CAPZA2: variants seen among roughly 807,000 people sequenced by gnomAD.
CAPZA2 encodes the protein capping actin protein of muscle Z-line subunit alpha 2.
Under a neutral mutation model 44.0 loss-of-function variants are expected in CAPZA2, and 13 were observed. The observed-to-expected ratio is 0.30, with a 90% CI of 0.19 to 0.47. The LOEUF (loss-of-function observed/expected upper bound fraction) is 0.47. Ranked by LOEUF, CAPZA2 falls within the 20% of genes least tolerant of loss-of-function variation. The pLI, the probability that CAPZA2 is intolerant of heterozygous loss-of-function variation, is 1.00. For synonymous variants in CAPZA2, 94 were observed against 108.2 expected (o/e 0.87, Z 0.81); for missense variants, 244 against 338.6 (o/e 0.72, Z 2.19).
intron 1 of CAPZA2, among the ~76,000 whole-genome samples, chr7:116,887,884 C>A (rs1007809891): frequency 3.3e-5 from 5 of 152,212 alleles, no homozygotes; most frequent in Admixed American, 3.3e-4. Flanking sequence ...TATCTGTAAG[C>A]AGCTTTGAAT....
At chr7:116,862,753 G>C (rs1796433289) in intron 1 of CAPZA2, 103 bp downstream of exon 1, 2 of 1,306,106 alleles carry the variant, frequency 1.5e-6, no homozygotes, top group South Asian at 2.7e-5. Flanking sequence ...GCCCGCAGCT[G>C]GCCTTGCCCT....
intron 1 of CAPZA2, among the ~76,000 whole-genome samples, chr7:116,868,660 G>C (rs1796512212): frequency 6.6e-6 from 1 of 152,132 alleles, no homozygotes; most frequent in Non-Finnish European, 1.5e-5. Flanking sequence ...CTTGGACCCG[G>C]GAGGTGGATG....
intron 9 of CAPZA2, among the ~76,000 whole-genome samples, chr7:116,916,563 T>C (rs959025974): frequency 2.2e-4 from 33 of 152,200 alleles, no homozygotes; most frequent in African/African-American, 7.2e-4. Context: ...GAGGCAGAGG[T>C]TGCAGTGAGC....
intron 4 of CAPZA2, among the ~76,000 whole-genome samples, chr7:116,901,962 C>G (rs1797001891): frequency 6.6e-6 from 1 of 150,414 alleles, no homozygotes; most frequent in Admixed American, 6.7e-5. Flanking sequence ...CCATTAAGCA[C>G]AATGAGGGAG....
At chr7:116,897,122 G>A (rs1047619530) in intron 3 of CAPZA2, among the ~76,000 whole-genome samples, 7 of 151,786 alleles carry the variant, frequency 4.6e-5, no homozygotes, top group Admixed American at 1.3e-4. Flanking sequence ...TTTATATTAC[G>A]GGCAATAAAA....
chr7:116,902,700 T>A (rs545933181), intron 4 of CAPZA2, among the ~76,000 whole-genome samples: 24 of 152,240 alleles, frequency 1.6e-4, no homozygotes, highest in African/African-American at 5.8e-4. Flanking sequence ...AAAACATCAG[T>A]ATGTTAAAAT....
chr7:116,895,125 A>G (rs1316331506), intron 3 of CAPZA2, among the ~76,000 whole-genome samples: 1 of 151,976 alleles, frequency 6.6e-6, no homozygotes, highest in Non-Finnish European at 1.5e-5. Flanking sequence ...CAAAGGAAAC[A>G]TACAGCGTTT....
chr7:116,901,704 T>C (rs1343752723), intron 4 of CAPZA2, among the ~76,000 whole-genome samples: 1 of 152,028 alleles, frequency 6.6e-6, no homozygotes, highest in Admixed American at 6.6e-5. Context: ...TAAAACAGGA[T>C]CTGACCAATG....
At chr7:116,903,321 G>A (rs575868903) in intron 4 of CAPZA2, among the ~76,000 whole-genome samples, 8 of 149,544 alleles carry the variant, frequency 5.3e-5, no homozygotes, top group African/African-American at 1.7e-4. Context: ...ATGACCAGTC[G>A]CTTCTCGGCC....
intron 1 of CAPZA2, chr7:116,873,447 C>T (rs1161529622): frequency 6.6e-6 from 1 of 152,076 alleles, no homozygotes; most frequent in Non-Finnish European, 1.5e-5. Context: ...TGTTAGTTTA[C>T]CATTTTTATA....
Position 116,910,233 on chromosome 7 carries a change from G to C in CAPZA2, c.507G>C (p.Trp169Cys). The change falls in exon 7 of 10, where the codon TGG becomes TGC. Residue 169 changes from tryptophan (W) to cysteine (C), a missense_variant and splice_region_variant. Coordinates refer to ENST00000361183, the MANE Select transcript of CAPZA2 (RefSeq NM_006136.3). ...TACAGCTGCTGTTTTTATTTTTAAG[G>C]AATGGTCGTTGGAGGTCAGAATGGA... The part of the protein sequence containing the change: ...ESHQFQAKNF[W>C]NGRWRSEWKF... 6.5e-7 allele frequency: 1 copy of C among 1,549,772 alleles called. No individual in the cohort carries two copies. The highest frequency in any genetic ancestry group is 8.9e-7 in the Non-Finnish European group (1 of 1,121,664).
At chr7:116,904,943 C>T (rs1791470506) in intron 5 of CAPZA2, among the ~76,000 whole-genome samples, 2 of 140,868 alleles carry the variant, frequency 1.4e-5, no homozygotes, top group African/African-American at 5.2e-5. Context: ...CCTGCCTGGC[C>T]AGCATGGTGA....
At position 116,862,764 on chromosome 7, in the gene CAPZA2, C is replaced by T. The variant is rs1796433339; in HGVS notation, c.39+114C>T. 11 of 1,195,750 alleles carry T rather than the reference C, an allele frequency of 9.2e-6. No individual in the cohort carries two copies. In the East Asian group the frequency reaches 2.4e-4, roughly 26 times the overall value. 74.1% of individuals were successfully genotyped at this position (1,195,750 alleles called of 1,614,324 possible). On this transcript the variant is annotated intron_variant, in intron 1 of 9. Transcript: ENST00000361183. ...ATTGGCCCGCAGCTGGCCTTGCCCT[C>T]GGCTGCCCTTCCTCCCCCATCCTTA...
At chr7:116,868,078 G>A (rs1386116678) in intron 1 of CAPZA2, among the ~76,000 whole-genome samples, 1 of 152,084 alleles carries the variant, frequency 6.6e-6, no homozygotes, top group African/African-American at 2.4e-5. Flanking sequence ...TTTGAGTGTT[G>A]GTACTGCTCC....
intron 8 of CAPZA2, among the ~76,000 whole-genome samples, chr7:116,912,350 C>T (rs1204731238): frequency 3.3e-5 from 5 of 151,942 alleles, no homozygotes; most frequent in Non-Finnish European, 7.4e-5. Context: ...AAAATATAAG[C>T]TTCAAATTTT....
chr7:116,882,148 A>G (rs1220584476), intron 1 of CAPZA2, among the ~76,000 whole-genome samples: 9 of 152,304 alleles, frequency 5.9e-5, no homozygotes, highest in East Asian at 3.9e-4. Context: ...TAAAATTACT[A>G]TTCTTTAGTA....
At chr7:116,916,678 T>G (rs764125602) in intron 9 of CAPZA2, among the ~76,000 whole-genome samples, 24 of 152,152 alleles carry the variant, frequency 1.6e-4, no homozygotes, top group Admixed American at 2.6e-4. Flanking sequence ...GCAGATTGAG[T>G]ATCTCTGATC....
chr7:116,888,917 A>G (rs1309360477), intron 2 of CAPZA2, among the ~76,000 whole-genome samples: 1 of 152,204 alleles, frequency 6.6e-6, no homozygotes, highest in African/African-American at 2.4e-5. Context: ...TATTTCTTTT[A>G]AAGAAAATCC....
chr7:116,906,476 T>A (rs1791511631), intron 6 of CAPZA2, 134 bp downstream of exon 6: 1 of 1,396,724 alleles, frequency 7.2e-7, no homozygotes, highest in African/African-American at 1.5e-5. Context: ...AATTTTAGCC[T>A]TTTGATATAA....
Sources: gnomAD v4.1 joint callset for allele counts (sites outside exome capture counted in the v4.1 genomes callset) on GRCh38, gnomAD v4.1.1 for gene constraint, MANE v1.5 for transcripts, NCBI Gene and HGNC (gene_info 2026-07-23, HGNC 2026-07-21) for gene names.